The following IL1RAPL1 variants were observed in gnomAD, a reference collection of about 807,000 sequenced individuals.
IL1RAPL1 encodes interleukin-1 receptor accessory protein-like 1.
IL1RAPL1 carries 3 observed loss-of-function variants against 48.4 expected under a neutral mutation model. The observed-to-expected ratio is 0.06, with a 90% CI of 0.03 to 0.16. The LOEUF is 0.16. Among genes scored for constraint, IL1RAPL1 ranks in the 10% least tolerant of loss-of-function variants. The pLI is 1.00. For synonymous variants in IL1RAPL1, 185 were observed against 187.7 expected, an observed-to-expected ratio of 0.99 and a Z score of 0.12; for missense variants, 349 against 530.6, an observed-to-expected ratio of 0.66 and a Z score of 3.36.
At chrX:28,773,423 T>A (rs1469249593) in intron 1 of IL1RAPL1, among the ~76,000 whole-genome samples, 1 of 111,820 alleles carries the variant, frequency 8.9e-6, no homozygotes, top group African/African-American at 3.3e-5. Context: ...TACCACTCTT[T>A]GAGATATTAT....
chrX:29,362,765 C>T (rs1303756392), intron 3 of IL1RAPL1, among the ~76,000 whole-genome samples: 1 of 111,835 alleles, frequency 8.9e-6, no homozygotes, highest in Admixed American at 9.5e-5. Flanking sequence ...GCATCACTTC[C>T]AGGTATTCCC....
chrX:29,117,553 A>G (rs187378444), intron 2 of IL1RAPL1, among the ~76,000 whole-genome samples: 1 of 112,259 alleles, frequency 8.9e-6, no homozygotes, highest in African/African-American at 3.2e-5. Context: ...CAAGTGTAGG[A>G]AGATAAGCGT....
intron 1 of IL1RAPL1, among the ~76,000 whole-genome samples, chrX:28,680,912 C>T (rs964924036): frequency 9.0e-6 from 1 of 111,295 alleles, no homozygotes; most frequent in African/African-American, 3.3e-5. Context: ...GTGGCTTTGT[C>T]TAGCTTTGAT....
Position 29,577,587 on chromosome X carries a change from A to G in IL1RAPL1, c.704-90843A>G, listed in dbSNP as rs990804575. Among the ~76,000 whole-genome samples the G allele has an allele frequency of 2.7e-5, 3 of 112,159 alleles. No homozygotes were observed. In the Admixed American group the frequency reaches 2.8e-4, roughly 11 times the overall value. The stretch of plus-strand genomic sequence containing the variant: ...ATGAAGAGATGCAGCTGTATGATAT[A>G]TATGAACAAGTTTACCCTTACTGGG... On this transcript the variant is annotated intron_variant, in intron 5 of 10. Transcript: ENST00000378993.
intron 2 of IL1RAPL1, among the ~76,000 whole-genome samples, chrX:29,043,878 A>C (rs1443432727): frequency 1.8e-5 from 2 of 111,836 alleles, no homozygotes; most frequent in African/African-American, 6.5e-5. Flanking sequence ...GAGGAAACAA[A>C]CCCAGACATC....
intron 6 of IL1RAPL1, among the ~76,000 whole-genome samples, chrX:29,805,858 G>A (rs1673413267): frequency 9.1e-6 from 1 of 110,029 alleles, no homozygotes; most frequent in South Asian, 3.8e-4. Context: ...CTGCATTGAA[G>A]TCTATTATAG....
chrX:29,830,673 G>T (rs185721487), intron 6 of IL1RAPL1, among the ~76,000 whole-genome samples: 363 of 110,294 alleles, frequency 3.3e-3, no homozygotes, highest in South Asian at 0.023. Flanking sequence ...GCCTTGTCTC[G>T]AACTCCTGGC....
intron 2 of IL1RAPL1, among the ~76,000 whole-genome samples, chrX:29,241,049 T>C (rs1931413789): frequency 1.8e-5 from 2 of 112,320 alleles, no homozygotes; most frequent in Admixed American, 1.9e-4. Context: ...TCTCGATCGC[T>C]CTCATCCAGA....
chrX:29,121,595 A>G (rs1179753894), intron 2 of IL1RAPL1, among the ~76,000 whole-genome samples: 1 of 111,991 alleles, frequency 8.9e-6, no homozygotes, highest in Non-Finnish European at 1.9e-5. Context: ...ACAAAACAGC[A>G]GCAGCAACAA....
intron 5 of IL1RAPL1, among the ~76,000 whole-genome samples, chrX:29,406,340 A>G (rs182986080): frequency 8.5e-4 from 93 of 110,041 alleles, no homozygotes; most frequent in African/African-American, 2.8e-3. Context: ...AGTGAGCCGA[A>G]ATCGCGACAC....
chrX:29,170,514 A>T (rs903584881), intron 2 of IL1RAPL1, among the ~76,000 whole-genome samples: 1 of 111,772 alleles, frequency 8.9e-6, no homozygotes. Flanking sequence ...ATTCAATATA[A>T]CTATGATTTC....
intron 5 of IL1RAPL1, among the ~76,000 whole-genome samples, chrX:29,416,236 C>T (rs1248054818): frequency 9.0e-6 from 1 of 111,424 alleles, no homozygotes; most frequent in Non-Finnish European, 1.9e-5. Context: ...GAGAATATTA[C>T]TATTATTTGG....
intron 3 of IL1RAPL1, among the ~76,000 whole-genome samples, chrX:29,384,829 T>A (rs1933754123): frequency 8.9e-6 from 1 of 111,903 alleles, no homozygotes; most frequent in African/African-American, 3.2e-5. Context: ...TATATAAATC[T>A]AGAATTCAGA....
chrX:29,494,069 AT>A (rs1429718566), intron 5 of IL1RAPL1, among the ~76,000 whole-genome samples: 264 of 98,113 alleles, frequency 2.7e-3, no homozygotes, highest in Admixed American at 2.5e-3. Flanking sequence ...TACTTTTTGT[AT>A]TTTTTTTTTT....
At chrX:29,791,761 C>T (rs1179193398) in intron 6 of IL1RAPL1, among the ~76,000 whole-genome samples, 3 of 85,524 alleles carry the variant, frequency 3.5e-5, no homozygotes, top group East Asian at 3.9e-4. Flanking sequence ...AGGTGAGTCT[C>T]GCTCTGTCTC....
At chrX:29,947,763 T>G (rs1933241417) in intron 9 of IL1RAPL1, among the ~76,000 whole-genome samples, 1 of 107,195 alleles carries the variant, frequency 9.3e-6, no homozygotes, top group Admixed American at 1.0e-4. Flanking sequence ...TTTTTTTTTT[T>G]TTTTGGTGGG....
At chrX:29,791,831 A>G (rs1929645230) in intron 6 of IL1RAPL1, among the ~76,000 whole-genome samples, 1 of 107,059 alleles carries the variant, frequency 9.3e-6, no homozygotes, top group Non-Finnish European at 1.9e-5. Flanking sequence ...CCCAGGTTCA[A>G]GCAGTTCTTC....
rs760231876 is a variant in IL1RAPL1, at chrX:29,732,534, T to TA, written c.778+64036dup. 6.3e-5 allele frequency among the ~76,000 whole-genome samples: 7 copies of TA among 111,769 alleles called. No homozygotes were observed. The South Asian group carries it at 2.6e-3, about 42-fold the overall frequency. On this transcript the variant is annotated intron_variant, in intron 6 of 10. Coordinates refer to ENST00000378993, the MANE Select transcript of IL1RAPL1 (RefSeq NM_014271.4). ...TCTATGCCCTAACTACGAAATTAGCTAAAAAATGGTGTAGACTTTCAACAC... is the reference window on the plus strand; with the variant it reads ...TCTATGCCCTAACTACGAAATTAGCTAAAAAAATGGTGTAGACTTTCAACAC...
At chrX:29,836,193 T>C (rs1265204128) in intron 6 of IL1RAPL1, among the ~76,000 whole-genome samples, 3 of 32,190 alleles carry the variant, frequency 9.3e-5, no homozygotes, top group East Asian at 7.4e-4. Context: ...TTTTTCTTTT[T>C]TTTTTTTTTT....
Sources: gnomAD v4.1 joint callset for allele counts (sites outside exome capture counted in the v4.1 genomes callset) on GRCh38, gnomAD v4.1.1 for gene constraint, MANE v1.5 for transcripts, NCBI Gene and HGNC (gene_info 2026-07-23, HGNC 2026-07-21) for gene names.